TCEANC2: variants seen among roughly 807,000 people sequenced by gnomAD.
TCEANC2 encodes the protein transcription elongation factor A N-terminal and central domain-containing protein 2.
A neutral mutation model predicts 22.8 loss-of-function variants in TCEANC2; 20 were observed. The ratio of observed to expected loss-of-function variants is 0.88; its 90% CI spans 0.62 to 1.28. TCEANC2 has a LOEUF of 1.28. TCEANC2 is among the 50% of genes most tolerant of loss of function. The pLI, the probability that TCEANC2 is intolerant of heterozygous loss-of-function variation, is 0.00. For missense variants in TCEANC2, 251 were observed against 249.7 expected (o/e 1.01, Z -0.03); for synonymous variants, 84 against 95.5 (o/e 0.88, Z 0.70).
At chr1:54,066,827 A>G (rs145944983) in intron 2 of TCEANC2, among the ~76,000 whole-genome samples, 44 of 152,336 alleles carry the variant, frequency 2.9e-4, no homozygotes, top group Admixed American at 1.0e-3. Flanking sequence ...GTAACAGATC[A>G]TAGAAAAAGA....
chr1:54,090,703 G>A (rs1469165885), intron 4 of TCEANC2, among the ~76,000 whole-genome samples: 1 of 152,154 alleles, frequency 6.6e-6, no homozygotes, highest in Non-Finnish European at 1.5e-5. Flanking sequence ...TATGAAAGTT[G>A]TAAGTCTGAT....
chr1:54,082,789 A>G (rs958882391), intron 3 of TCEANC2, among the ~76,000 whole-genome samples: 1 of 152,158 alleles, frequency 6.6e-6, no homozygotes, highest in South Asian at 2.1e-4. Context: ...TTTTAATGCT[A>G]TGTTAGAAGT....
At chr1:54,110,243 C>T (rs945099053), downstream of TCEANC2, among the ~76,000 whole-genome samples, 1 of 152,334 alleles carries the variant, frequency 6.6e-6, no homozygotes, top group Admixed American at 6.5e-5. Context: ...ATCAATTCTA[C>T]ACTCAGCAGC....
At chr1:54,078,762 G>A (rs1278287252) in intron 3 of TCEANC2, among the ~76,000 whole-genome samples, 1 of 152,156 alleles carries the variant, frequency 6.6e-6, no homozygotes, top group Non-Finnish European at 1.5e-5. Context: ...AGATGAAGGG[G>A]CTGAAGAACT....
intron 4 of TCEANC2, among the ~76,000 whole-genome samples, chr1:54,094,046 T>C (rs761432123): frequency 5.9e-5 from 9 of 152,188 alleles, no homozygotes; most frequent in Non-Finnish European, 1.0e-4. Context: ...CTGGAAAAAC[T>C]TGGAGTCTGG....
At chr1:54,078,161 ACTGT>A (rs1181327929) in intron 3 of TCEANC2, among the ~76,000 whole-genome samples, 5 of 152,004 alleles carry the variant, frequency 3.3e-5, no homozygotes, top group African/African-American at 7.3e-5. Flanking sequence ...TTTTTTGTAA[ACTGT>A]CTGTTCATGT....
chr1:54,080,274 G>C (rs1393178028), intron 3 of TCEANC2, among the ~76,000 whole-genome samples: 3 of 151,786 alleles, frequency 2.0e-5, no homozygotes, highest in Non-Finnish European at 4.4e-5. Flanking sequence ...CTCCCGATTA[G>C]CTGGGATTAC....
chr1:54,084,806 G>A (rs557427832), intron 3 of TCEANC2, among the ~76,000 whole-genome samples: 2 of 152,158 alleles, frequency 1.3e-5, no homozygotes, highest in Admixed American at 6.5e-5. Flanking sequence ...CTGGATCTAG[G>A]TCTGATATCC....
rs897844330 is a variant in TCEANC2 at position 54,105,200 on chromosome 1, AC to A, written c.*8733del. On this transcript the variant is annotated 3_prime_UTR_variant, in exon 5 of 5. Transcript: ENST00000234827. ...GTGGACACCATCCTGTGCTGCCCAG[AC>A]CCCCCAGCCACCATGCTTCCTGGGC... 7.2e-5 allele frequency: 11 copies of A among 152,084 alleles called. No individual in the cohort carries two copies. In the South Asian group the frequency reaches 1.9e-3, roughly 26 times the overall value. 9.4% of individuals were successfully genotyped at this position (152,084 alleles called of 1,614,324 possible). A position where few individuals can be genotyped will look rare whatever the true frequency, so the allele number is the denominator to read the frequency against.
intron 4 of TCEANC2, among the ~76,000 whole-genome samples, chr1:54,092,155 CTT>C (rs1014002431): frequency 2.6e-5 from 4 of 152,192 alleles, no homozygotes; most frequent in Non-Finnish European, 5.9e-5. Flanking sequence ...ACAAAGTTTG[CTT>C]CCAGTGGCTA....
chr1:54,065,579 G>T (rs1657939328), intron 2 of TCEANC2, among the ~76,000 whole-genome samples: 1 of 151,976 alleles, frequency 6.6e-6, no homozygotes, highest in South Asian at 2.1e-4. Context: ...AATCAGCAGA[G>T]TGTGGTGGCC....
At chr1:54,107,572 G>C (rs572539208), downstream of TCEANC2, among the ~76,000 whole-genome samples, 2 of 152,006 alleles carry the variant, frequency 1.3e-5, no homozygotes, top group Non-Finnish European at 2.9e-5. Flanking sequence ...AATTTGGAAG[G>C]CTTCTTTAAG....
intron 4 of TCEANC2, among the ~76,000 whole-genome samples, chr1:54,091,191 C>T (rs1271599120): frequency 6.6e-6 from 1 of 151,328 alleles, no homozygotes; most frequent in Non-Finnish European, 1.5e-5. Flanking sequence ...GCATAAACAG[C>T]ATTTGATAGC....
downstream of TCEANC2, among the ~76,000 whole-genome samples, chr1:54,107,753 G>A (rs1396555452): frequency 6.6e-6 from 1 of 152,186 alleles, no homozygotes; most frequent in East Asian, 1.9e-4. Context: ...ACCACGTTGT[G>A]TGAGAAACAA....
At position 54,096,518 on chromosome 1, in the gene TCEANC2, G is replaced by T; in HGVS notation, c.*45G>T. On this transcript the variant is annotated 3_prime_UTR_variant, in exon 5 of 5. Coordinates refer to ENST00000234827, the MANE Select transcript of TCEANC2 (RefSeq NM_153035.3). This position sits in a 1 kb window ranked among gnomAD's most constrained non-coding sequence, Gnocchi z 4.9. ...CTGGGCCAGGCAGAGAGGAAAATGGGCCTGTCTCTGCCGTTCAAAGACGCT... is the reference window on the plus strand; with the variant it reads ...CTGGGCCAGGCAGAGAGGAAAATGGTCCTGTCTCTGCCGTTCAAAGACGCT... 2 of 1,554,324 alleles carry T rather than the reference G, an allele frequency of 1.3e-6. No individual in the cohort carries two copies. Among genetic ancestry groups the T allele is most frequent in the South Asian group, 2.3e-5 (2 of 85,600 alleles).
chr1:54,070,346 T>C (rs1302029180), intron 3 of TCEANC2, among the ~76,000 whole-genome samples: 1 of 152,194 alleles, frequency 6.6e-6, no homozygotes, highest in African/African-American at 2.4e-5. Context: ...CATATGTATA[T>C]GTATATAGTT....
chr1:54,090,453 ATTAT>A (rs1306738133), intron 4 of TCEANC2, among the ~76,000 whole-genome samples: 1 of 152,188 alleles, frequency 6.6e-6, no homozygotes, highest in African/African-American at 2.4e-5. Flanking sequence ...ATTTTTATTG[ATTAT>A]TTAAGTAACA....
At chr1:54,093,181 G>T (rs1658480218) in intron 4 of TCEANC2, among the ~76,000 whole-genome samples, 1 of 152,124 alleles carries the variant, frequency 6.6e-6, no homozygotes. Context: ...AAATCCCTAG[G>T]TTTCTCCCAG....
intron 3 of TCEANC2, among the ~76,000 whole-genome samples, chr1:54,071,115 G>C (rs1006931057): frequency 2.0e-5 from 3 of 152,168 alleles, no homozygotes; most frequent in Non-Finnish European, 2.9e-5. Context: ...AGCGTGGCAA[G>C]AAATGAGGCT....
Sources: gnomAD v4.1 joint callset for allele counts (sites outside exome capture counted in the v4.1 genomes callset) on GRCh38, gnomAD v4.1.1 for gene constraint, Gnocchi (gnomAD v3.1) non-coding constraint, MANE v1.5 for transcripts, NCBI Gene and HGNC (gene_info 2026-07-23, HGNC 2026-07-21) for gene names.